The following ATRN variants were observed in gnomAD, a reference collection of about 807,000 sequenced individuals.
ATRN encodes attractin, also known as attractin-2.
ATRN carries 54 observed loss-of-function variants against 178.7 expected under a neutral mutation model. The ratio of observed to expected loss-of-function variants is 0.30; its 90% CI spans 0.24 to 0.38. ATRN has a LOEUF of 0.38. Among genes scored for constraint, ATRN ranks in the 10% least tolerant of loss-of-function variants. The pLI is 1.00. For synonymous variants in ATRN, 636 were observed against 663.0 expected, an observed-to-expected ratio of 0.96 and a Z score of 0.63; for missense variants, 1,443 against 1,815.1, an observed-to-expected ratio of 0.79 and a Z score of 3.73.
intron 1 of ATRN, among the ~76,000 whole-genome samples, chr20:3,484,270 G>C (rs1204360013): frequency 2.7e-5 from 4 of 149,712 alleles, no homozygotes; most frequent in Admixed American, 6.7e-5. Flanking sequence ...AAACAACAAA[G>C]AAACCAAAAC....
intron 1 of ATRN, chr20:3,490,340 G>T: frequency 9.9e-7 from 1 of 1,012,164 alleles, no homozygotes; most frequent in Non-Finnish European, 1.6e-6. Flanking sequence ...CGCCCATCCA[G>T]GAAGGTCACA....
chr20:3,593,245 C>T (rs551448077), intron 19 of ATRN, among the ~76,000 whole-genome samples: 2 of 152,236 alleles, frequency 1.3e-5, no homozygotes, highest in African/African-American at 4.8e-5. Flanking sequence ...GTACAATTTG[C>T]CTTATTTTTC....
intron 11 of ATRN, among the ~76,000 whole-genome samples, chr20:3,566,841 A>G (rs939496876): frequency 1.3e-5 from 2 of 150,528 alleles, no homozygotes; most frequent in Non-Finnish European, 3.0e-5. Flanking sequence ...CAGGAGGCGG[A>G]AATTGCAGTG....
Position 3,594,562 on chromosome 20 carries a change from G to A in ATRN, c.3406G>A (p.Glu1136Lys), listed in dbSNP as rs2146277114. ...CACCACCAAGGGCGTCAAGGGGGAC[G>A]AGTGCCAGCTGTGAGTACCATACTC... ...FCTTKGVKGD[E>K]CQLCEVENRY... Residue 1136 changes from glutamate to lysine, a missense_variant, in exon 20 of 29, where the codon GAG (glutamate) becomes AAG (lysine). Glu to Lys is a moderately conservative substitution (Grantham distance 56, BLOSUM62 1). Coordinates refer to ENST00000262919, the MANE Select transcript of ATRN (RefSeq NM_139321.3). 1.9e-6 allele frequency: 3 copies of A among 1,611,850 alleles called. No homozygotes were observed. The highest frequency in any genetic ancestry group is 2.5e-6 in the Non-Finnish European group (3 of 1,178,528).
At chr20:3,592,406 A>G in intron 19 of ATRN, 1 of 967,316 alleles carries the variant, frequency 1.0e-6, no homozygotes, top group South Asian at 4.8e-5. Flanking sequence ...TCTCAAAAAA[A>G]AAAAAAAAGA....
At chr20:3,599,349 T>C (rs1272350227) in intron 22 of ATRN, among the ~76,000 whole-genome samples, 5 of 152,182 alleles carry the variant, frequency 3.3e-5, no homozygotes, top group Admixed American at 6.5e-5. Context: ...AAAATAAATA[T>C]AGTAGAATCT....
chr20:3,512,727 G>C (rs549445366), intron 1 of ATRN, among the ~76,000 whole-genome samples: 162 of 152,346 alleles, frequency 1.1e-3, no homozygotes, highest in African/African-American at 3.8e-3. Flanking sequence ...CCCACCAACA[G>C]TATAAAAGTG....
chr20:3,492,835 GGAGAGAGA>G (rs548451784), intron 1 of ATRN, among the ~76,000 whole-genome samples: 6 of 132,686 alleles, frequency 4.5e-5, no homozygotes, highest in Non-Finnish European at 6.3e-5. Flanking sequence ...AAATAGAAAG[GGAGAGAGA>G]GAGAGAGAGA....
intron 11 of ATRN, among the ~76,000 whole-genome samples, chr20:3,571,934 T>C (rs932815930): frequency 5.3e-5 from 8 of 152,180 alleles, no homozygotes; most frequent in Non-Finnish European, 1.2e-4. Context: ...CTTCTACTGC[T>C]TGTGTGTTTT....
intron 1 of ATRN, among the ~76,000 whole-genome samples, chr20:3,503,119 T>G (rs1018796968): frequency 1.1e-4 from 17 of 151,676 alleles, no homozygotes; most frequent in Non-Finnish European, 2.5e-4. Context: ...CAATGGGAGC[T>G]CAAAGGCACT....
chr20:3,549,480 A>G lies in ATRN; in HGVS notation c.1112+142A>G, dbSNP rs2085757547. 5.3e-6 allele frequency: 4 copies of G among 749,276 alleles called. No individual in the cohort carries two copies. The East Asian group carries it at 9.7e-5, about 18-fold the overall frequency. 46.4% of individuals were successfully genotyped at this position (749,276 alleles called of 1,614,324 possible). A position where few individuals can be genotyped will look rare whatever the true frequency, so the allele number is the denominator to read the frequency against. On this transcript the variant is annotated intron_variant, in intron 6 of 28. Transcript: ENST00000262919. ...TAATATTTTGGTAGTAGTCTTTCAA[A>G]GTGTTTTGACATATGTTGAGTTTTT...
At chr20:3,483,169 A>C (rs1173361413) in intron 1 of ATRN, among the ~76,000 whole-genome samples, 1 of 152,124 alleles carries the variant, frequency 6.6e-6, no homozygotes, top group African/African-American at 2.4e-5. Flanking sequence ...ATTCCCAAAA[A>C]CATGTAGCAT....
chr20:3,500,911 TAA>T (rs1491440677), intron 1 of ATRN, among the ~76,000 whole-genome samples: 2 of 152,048 alleles, frequency 1.3e-5, no homozygotes, highest in African/African-American at 4.8e-5. Context: ...GAATGTATAT[TAA>T]GTTATATATA....
intron 1 of ATRN, among the ~76,000 whole-genome samples, chr20:3,505,720 T>G (rs1049435339): frequency 6.6e-6 from 1 of 152,172 alleles, no homozygotes; most frequent in Non-Finnish European, 1.5e-5. Flanking sequence ...AACTATATAT[T>G]GCTTATAGAA....
At chr20:3,595,691 A>G (rs1448478587) in intron 20 of ATRN, among the ~76,000 whole-genome samples, 2 of 152,364 alleles carry the variant, frequency 1.3e-5, no homozygotes, top group Admixed American at 6.5e-5. Context: ...TCGAGATCGC[A>G]GATGTAGGCA....
At chr20:3,641,845 G>A (rs1480131700) in intron 27 of ATRN, among the ~76,000 whole-genome samples, 1 of 152,082 alleles carries the variant, frequency 6.6e-6, no homozygotes, top group Non-Finnish European at 1.5e-5. Context: ...TGAAGGATGT[G>A]CTAAAATGAA....
At position 3,576,442 on chromosome 20, in the gene ATRN, G is replaced by A. The variant is rs764234424; in HGVS notation, c.2215-417G>A. Among the ~76,000 whole-genome samples the A allele has an allele frequency of 5.4e-4, 82 of 152,046 alleles. 1 individual carries two copies. The highest frequency in any genetic ancestry group is 2.0e-4 in the Admixed American group (3 of 15,268). ...ACCCAGGCTTTTATAGTTTTTGACA[G>A]CTTACAAGACTTTTTTTTTTGTCAG... is the stretch of plus-strand genomic sequence containing the variant. On this transcript the variant is annotated intron_variant, in intron 13 of 28. Coordinates refer to ENST00000262919, the MANE Select transcript of ATRN (RefSeq NM_139321.3).
chr20:3,584,268 A>G (rs573944631), intron 17 of ATRN, among the ~76,000 whole-genome samples, 185 bp downstream of exon 17: 1 of 152,326 alleles, frequency 6.6e-6, no homozygotes, highest in East Asian at 1.9e-4. Context: ...ATACAGAATC[A>G]GGCACATTGA....
In ATRN at chr20:3,585,057, C is replaced by T. The variant is rs541228668; in HGVS notation, c.3184+177C>T. Among the ~76,000 whole-genome samples the T allele has an allele frequency of 7.2e-5, 11 of 152,308 alleles. 1 individual carries two copies. In the East Asian group the frequency reaches 1.2e-3, roughly 16 times the overall value. ...TGGTCCAAGGCCTGACCTGGACCTG[C>T]TGAGAGTGGTGGTGGGTTCCTAAGA... On this transcript the variant is annotated intron_variant, in intron 18 of 28. Coordinates refer to ENST00000262919, the MANE Select transcript of ATRN (RefSeq NM_139321.3).
Sources: allele counts gnomAD v4.1 joint callset (sites outside exome capture counted in the v4.1 genomes callset), GRCh38; gene constraint gnomAD v4.1.1; transcripts MANE v1.5; gene names NCBI Gene and HGNC (gene_info 2026-07-23, HGNC 2026-07-21).